Variants in AMELY observed in about 807,000 individuals in gnomAD.
AMELY encodes amelogenin, Y isoform.
Under a neutral mutation model 4.2 loss-of-function variants are expected in AMELY, and 4 were observed. The observed-to-expected ratio is 0.96, with a 90% CI of 0.47 to 2.19. AMELY has a LOEUF of 2.19. AMELY is among the 30% of genes most tolerant of loss of function. The pLI, the probability that AMELY is intolerant of heterozygous loss-of-function variation, is 0.02. For synonymous variants in AMELY, 11 were observed against 14.7 expected, an observed-to-expected ratio of 0.75 and a Z score of 0.57; for missense variants, 32 against 41.5, an observed-to-expected ratio of 0.77 and a Z score of 0.63.
At chrY:6,907,818 C>G (rs2011669058) in intron 1 of AMELY, among the ~76,000 whole-genome samples, 1 of 32,361 alleles carries the variant, frequency 3.1e-5, no homozygotes, top group South Asian at 7.2e-4. Context: ...TGAGCTGAGA[C>G]CACACCACTG....
chrY:6,884,018 G>A (rs2124082563), intron 1 of AMELY, among the ~76,000 whole-genome samples: 1 of 32,524 alleles, frequency 3.1e-5, no homozygotes, highest in East Asian at 8.0e-4. Context: ...CTAGGAAATT[G>A]TTCTTTATCT....
intron 1 of AMELY, among the ~76,000 whole-genome samples, chrY:6,892,585 G>A: frequency 3.0e-5 from 1 of 33,625 alleles, no homozygotes; most frequent in East Asian, 7.9e-4. Flanking sequence ...TGACTTTAGA[G>A]AGATAAAACC....
chrY:6,879,027 A>C (rs2054073298), intron 1 of AMELY, among the ~76,000 whole-genome samples: 2 of 33,638 alleles, frequency 5.9e-5, no homozygotes, highest in African/African-American at 2.3e-4. Flanking sequence ...GATTTATAAT[A>C]CTTTGGGTAT....
At chrY:6,896,997 AGAG>A (rs2054086507) in intron 1 of AMELY, among the ~76,000 whole-genome samples, 1 of 33,455 alleles carries the variant, frequency 3.0e-5, no homozygotes, top group African/African-American at 1.2e-4. Flanking sequence ...GTGTTGGTGC[AGAG>A]GAGAAGTAGT....
intron 1 of AMELY, among the ~76,000 whole-genome samples, chrY:6,890,005 C>T: frequency 6.4e-5 from 2 of 31,400 alleles, no homozygotes; most frequent in Non-Finnish European, 1.5e-4. Context: ...AAGAGCATTC[C>T]CTCTGTTGTG....
intron 1 of AMELY, among the ~76,000 whole-genome samples, chrY:6,876,450 C>A: frequency 3.0e-5 from 1 of 32,947 alleles, no homozygotes; most frequent in South Asian, 7.0e-4. Flanking sequence ...GTTGAACAGA[C>A]AAGTGATAAG....
intron 1 of AMELY, among the ~76,000 whole-genome samples, chrY:6,904,059 G>T: frequency 6.0e-5 from 2 of 33,447 alleles, no homozygotes; most frequent in Non-Finnish European, 1.5e-4. Flanking sequence ...TGCCACCATG[G>T]TCACTTTGTT....
chrY:6,877,717 A>T, intron 1 of AMELY, among the ~76,000 whole-genome samples: 2 of 32,925 alleles, frequency 6.1e-5, no homozygotes, highest in Admixed American at 5.6e-4. Context: ...ACCCAGTAAC[A>T]TTGGTGCCTG....
At chrY:6,879,868 G>T in intron 1 of AMELY, among the ~76,000 whole-genome samples, 1 of 33,267 alleles carries the variant, frequency 3.0e-5, no homozygotes. Context: ...TGAGGGCTCT[G>T]TTCTGTTCCA....
At chrY:6,911,363 C>T in intron 1 of AMELY, among the ~76,000 whole-genome samples, 1 of 34,259 alleles carries the variant, frequency 2.9e-5, no homozygotes, top group Non-Finnish European at 7.4e-5. Context: ...TGCTGGTGGG[C>T]GGAAGGGGCA....
chrY:6,872,896 C>A, intron 2 of AMELY, among the ~76,000 whole-genome samples: 1 of 33,116 alleles, frequency 3.0e-5, no homozygotes, highest in African/African-American at 1.2e-4. Context: ...ATATTCCTGT[C>A]TGTCTGCATG....
At chrY:6,888,652 C>A in intron 1 of AMELY, among the ~76,000 whole-genome samples, 1 of 30,938 alleles carries the variant, frequency 3.2e-5, no homozygotes, top group Non-Finnish European at 7.7e-5. Context: ...GGTGGAACAC[C>A]TGAGGTCAGG....
chrY:6,895,193 A>G (rs866503702), intron 1 of AMELY, among the ~76,000 whole-genome samples: 1 of 33,956 alleles, frequency 2.9e-5, no homozygotes, highest in Admixed American at 2.7e-4. Flanking sequence ...CTCCCTTGTT[A>G]TAACTGAGGA....
At chrY:6,897,265 T>C in intron 1 of AMELY, among the ~76,000 whole-genome samples, 1 of 33,844 alleles carries the variant, frequency 3.0e-5, no homozygotes, top group Non-Finnish European at 7.3e-5. Context: ...ACAGGACACC[T>C]GTCACATTTG....
intron 1 of AMELY, among the ~76,000 whole-genome samples, chrY:6,905,761 A>AT (rs2011661168): frequency 2.9e-4 from 9 of 31,169 alleles, no homozygotes; most frequent in Admixed American, 2.2e-3. Flanking sequence ...TGCTGGGTTA[A>AT]TTTTTTGTAT....
intron 4 of AMELY, among the ~76,000 whole-genome samples, chrY:6,869,149 C>A (rs2054065584): frequency 3.0e-5 from 1 of 33,824 alleles, no homozygotes. Flanking sequence ...AAGAGCAAAG[C>A]AAACATAAAA....
chrY:6,881,621 G>A, intron 1 of AMELY, among the ~76,000 whole-genome samples: 1 of 32,712 alleles, frequency 3.1e-5, no homozygotes, highest in Non-Finnish European at 7.5e-5. Flanking sequence ...AAATAAATAA[G>A]GACTATTGAA....
chrY:6,905,890 G>A (rs2011661756), intron 1 of AMELY, among the ~76,000 whole-genome samples: 2 of 32,784 alleles, frequency 6.1e-5, no homozygotes, highest in African/African-American at 2.4e-4. Context: ...CACCGCGCCC[G>A]GCCTATATTC....
At chrY:6,885,345 G>C (rs2054079004) in intron 1 of AMELY, among the ~76,000 whole-genome samples, 2 of 33,672 alleles carry the variant, frequency 5.9e-5, no homozygotes, top group Admixed American at 5.3e-4. Flanking sequence ...CGTGGTGGTG[G>C]ACACCTGTAG....
Sources: allele counts gnomAD v4.1 joint callset (sites outside exome capture counted in the v4.1 genomes callset), GRCh38; gene constraint gnomAD v4.1.1; transcripts MANE v1.5; gene names NCBI Gene and HGNC (gene_info 2026-07-23, HGNC 2026-07-21).